The following RALGAPA1 variants were observed in gnomAD, a reference collection of about 807,000 sequenced individuals.
The protein encoded by RALGAPA1 is Ral GTPase activating protein catalytic subunit alpha 1, also known as ral GTPase-activating protein subunit alpha-1.
A neutral mutation model predicts 269.6 loss-of-function variants in RALGAPA1; 52 were observed. That is an observed-to-expected ratio of 0.19 (90% CI 0.15 to 0.24). The LOEUF (loss-of-function observed/expected upper bound fraction) is 0.24. Among genes scored for constraint, RALGAPA1 ranks in the 10% least tolerant of loss-of-function variants. RALGAPA1 has a pLI of 1.00. For synonymous variants in RALGAPA1, 817 were observed against 1,008.3 expected, an observed-to-expected ratio of 0.81 and a Z score of 3.60; for missense variants, 1,917 against 3,013.9, an observed-to-expected ratio of 0.64 and a Z score of 8.52.
intron 12 of RALGAPA1, among the ~76,000 whole-genome samples, chr14:35,735,614 T>C (rs2070913461): frequency 6.6e-6 from 1 of 152,102 alleles, no homozygotes; most frequent in African/African-American, 2.4e-5. Context: ...CAGTGTATAC[T>C]GCTCAGGTGA....
intron 36 of RALGAPA1, among the ~76,000 whole-genome samples, chr14:35,596,644 A>G (rs1230893923): frequency 6.6e-6 from 1 of 152,092 alleles, no homozygotes; most frequent in African/African-American, 2.4e-5. Flanking sequence ...TGATTGTTAG[A>G]TTTTTGTGCC....
intron 16 of RALGAPA1, among the ~76,000 whole-genome samples, chr14:35,702,730 T>A (rs1203592646): frequency 6.8e-6 from 1 of 146,684 alleles, no homozygotes; most frequent in African/African-American, 2.5e-5. Context: ...AAAAAAAATA[T>A]ATATATATAT....
At chr14:35,793,090 C>A (rs1313518148) in intron 1 of RALGAPA1, among the ~76,000 whole-genome samples, 1 of 152,080 alleles carries the variant, frequency 6.6e-6, no homozygotes, top group African/African-American at 2.4e-5. Context: ...CAAACTCCAG[C>A]TGCAGTCCCA....
chr14:35,639,584 A>G (rs536147278), intron 31 of RALGAPA1, among the ~76,000 whole-genome samples: 2 of 152,198 alleles, frequency 1.3e-5, no homozygotes, highest in African/African-American at 2.4e-5. Flanking sequence ...TCTGACCCCA[A>G]TGGAATAAAA....
At chr14:35,736,822 G>T (rs2071039476) in intron 12 of RALGAPA1, among the ~76,000 whole-genome samples, 1 of 152,066 alleles carries the variant, frequency 6.6e-6, no homozygotes, top group Admixed American at 6.5e-5. Context: ...GATCACTTGA[G>T]GTCAGGGGTT....
intron 4 of RALGAPA1, chr14:35,765,860 T>C: frequency 1.3e-6 from 1 of 743,614 alleles, no homozygotes; most frequent in Non-Finnish European, 2.3e-6. Flanking sequence ...GTTCCGAAAT[T>C]GTTGGATTAG....
intron 35 of RALGAPA1, among the ~76,000 whole-genome samples, chr14:35,622,987 C>T (rs984677073): frequency 6.0e-5 from 9 of 149,832 alleles, no homozygotes; most frequent in Non-Finnish European, 1.3e-4. Flanking sequence ...AAGGCTGAGG[C>T]ACATGAATCA....
At chr14:35,618,913 G>A (rs2060427741) in intron 35 of RALGAPA1, among the ~76,000 whole-genome samples, 1 of 152,062 alleles carries the variant, frequency 6.6e-6, no homozygotes, top group Admixed American at 6.5e-5. Flanking sequence ...CTAATGGGAA[G>A]AATGATGATT....
At chr14:35,686,750 A>C in intron 18 of RALGAPA1, 84 bp from the exon 19 acceptor site, 1 of 657,534 alleles carries the variant, frequency 1.5e-6, no homozygotes, top group Non-Finnish European at 2.3e-6. Flanking sequence ...ACCCAAAACA[A>C]AGTACCTTTG....
intron 36 of RALGAPA1, among the ~76,000 whole-genome samples, chr14:35,597,323 T>C (rs1189062372): frequency 6.6e-6 from 1 of 152,186 alleles, no homozygotes; most frequent in African/African-American, 2.4e-5. Context: ...TCACACTTTA[T>C]GATCTTTGCT....
chr14:35,555,021 T>C (rs2055463573), intron 39 of RALGAPA1, among the ~76,000 whole-genome samples: 1 of 152,202 alleles, frequency 6.6e-6, no homozygotes, highest in South Asian at 2.1e-4. Flanking sequence ...GGGGGAAATA[T>C]AGTTGGAACT....
At chr14:35,729,919 G>A (rs2070313457) in intron 12 of RALGAPA1, among the ~76,000 whole-genome samples, 1 of 152,150 alleles carries the variant, frequency 6.6e-6, no homozygotes, top group East Asian at 1.9e-4. Flanking sequence ...GACAGACAGA[G>A]CAGCGTGTGG....
At chr14:35,696,346 T>C (rs1002910786) in intron 17 of RALGAPA1, among the ~76,000 whole-genome samples, 29 of 152,164 alleles carry the variant, frequency 1.9e-4, no homozygotes, top group African/African-American at 6.5e-4. Context: ...CAGTGAGTCA[T>C]GTTTGCACCA....
At chr14:35,746,002 T>C (rs962381194) in intron 10 of RALGAPA1, among the ~76,000 whole-genome samples, 3 of 151,604 alleles carry the variant, frequency 2.0e-5, no homozygotes, top group Admixed American at 2.0e-4. Flanking sequence ...GAGGCATAGG[T>C]ATCAGTTGAG....
At chr14:35,681,553 T>A (rs1001857849) in intron 21 of RALGAPA1, among the ~76,000 whole-genome samples, 28 of 152,218 alleles carry the variant, frequency 1.8e-4, no homozygotes, top group Non-Finnish European at 2.6e-4. Context: ...ATAAAAAATA[T>A]CTTTTTCTTC....
At position 35,570,044 on chromosome 14, in the gene RALGAPA1, C is replaced by T. The variant is rs1476882190; in HGVS notation, c.7496+573G>A. 8.0e-5 allele frequency among the ~76,000 whole-genome samples: 12 copies of T among 150,396 alleles called. No homozygotes were observed. The South Asian group carries it at 8.5e-4, about 11-fold the overall frequency. On this transcript the variant is annotated intron_variant, in intron 39 of 41. Coordinates refer to ENST00000680220, the MANE Select transcript of RALGAPA1 (RefSeq NM_001346249.2). ...CAGCACTTTGGGAGGCCGAGGCGGG[C>T]GGATCACCCGAGGTCAGGAGTTCGA...
intron 1 of RALGAPA1, among the ~76,000 whole-genome samples, chr14:35,777,075 C>T (rs2075092894): frequency 6.6e-6 from 1 of 151,986 alleles, no homozygotes; most frequent in African/African-American, 2.4e-5. Context: ...CAAATATTAG[C>T]TACATATGTG....
At chr14:35,742,225 T>C (rs2071625103) in intron 11 of RALGAPA1, 143 bp downstream of exon 11, 1 of 670,926 alleles carries the variant, frequency 1.5e-6, no homozygotes, top group Admixed American at 2.9e-5. Context: ...CTACTTATAT[T>C]ACCTAAATTG....
intron 29 of RALGAPA1, 64 bp downstream of exon 29, chr14:35,655,743 A>G: frequency 6.4e-7 from 1 of 1,561,894 alleles, no homozygotes. Flanking sequence ...TACCATTAAT[A>G]TTTGGAGAAA....
Sources: gnomAD v4.1 joint callset for allele counts (sites outside exome capture counted in the v4.1 genomes callset) on GRCh38, gnomAD v4.1.1 for gene constraint, MANE v1.5 for transcripts, NCBI Gene and HGNC (gene_info 2026-07-23, HGNC 2026-07-21) for gene names.